DAB2IP: variants seen among roughly 807,000 people sequenced by gnomAD.
DAB2IP encodes the protein disabled homolog 2-interacting protein.
DAB2IP carries 28 observed loss-of-function variants against 107.2 expected under a neutral mutation model. That is an observed-to-expected ratio of 0.26 (90% CI 0.19 to 0.36). The LOEUF is 0.36. Among genes scored for constraint, DAB2IP ranks in the 10% least tolerant of loss-of-function variants. The pLI is 1.00. For synonymous variants in DAB2IP, 755 were observed against 706.4 expected, an observed-to-expected ratio of 1.07 and a Z score of -1.09; for missense variants, 1,400 against 1,644.7, an observed-to-expected ratio of 0.85 and a Z score of 2.57.
rs78951271 is a variant in DAB2IP at position 121,590,927 on chromosome 9, G to A, written c.40+23699G>A. 5.9e-4 allele frequency among the ~76,000 whole-genome samples: 90 copies of A among 152,234 alleles called. 2 individuals are homozygous for A. In the East Asian group the frequency reaches 0.013, roughly 22 times the overall value. ...TGAAGATGCCATCACCAACTGCAAC[G>A]GACACCATAAAGGAAAGTGACTTGA... On this transcript the variant is annotated intron_variant, in intron 1 of 16. Transcript: ENST00000259371.
At chr9:121,683,609 G>A (rs1346162945) in intron 2 of DAB2IP, among the ~76,000 whole-genome samples, 1 of 152,240 alleles carries the variant, frequency 6.6e-6, no homozygotes, top group Non-Finnish European at 1.5e-5. Context: ...GGGTCTGGCA[G>A]AAACTGCAGA....
chr9:121,581,086 G>C (rs956955138), intron 1 of DAB2IP, among the ~76,000 whole-genome samples: 1 of 152,184 alleles, frequency 6.6e-6, no homozygotes, highest in Non-Finnish European at 1.5e-5. Flanking sequence ...TTTCAGGCAG[G>C]GGAGGAACAG....
chr9:121,649,960 A>G (rs1832681268), upstream of DAB2IP, among the ~76,000 whole-genome samples: 1 of 152,190 alleles, frequency 6.6e-6, no homozygotes, highest in Non-Finnish European at 1.5e-5. Context: ...GCCCAACACA[A>G]ATTCATAAAC....
In DAB2IP at chr9:121,651,985, C is replaced by T; in HGVS notation, c.124+86C>T. ...CCCTGGGATGCTAGGGACCGGGATC[C>T]TCCTTCCAGCCATTTGCCGGGGGTT... is the stretch of plus-strand genomic sequence containing the variant. On this transcript the variant is annotated intron_variant, in intron 1 of 15. Coordinates refer to ENST00000408936, the Ensembl canonical transcript of DAB2IP. This position sits in a 1 kb window ranked among gnomAD's most constrained non-coding sequence, Gnocchi z 5.1. 1 of 1,150,064 alleles carries T rather than the reference C, an allele frequency of 8.7e-7. No individual in the cohort carries two copies. Among genetic ancestry groups the T allele is most frequent in the East Asian group, 3.3e-5 (1 of 30,378 alleles). 71.2% of individuals were successfully genotyped at this position (1,150,064 alleles called of 1,614,324 possible).
chr9:121,585,805 G>A (rs1830299493), intron 1 of DAB2IP, among the ~76,000 whole-genome samples: 1 of 151,816 alleles, frequency 6.6e-6, no homozygotes, highest in Non-Finnish European at 1.5e-5. Flanking sequence ...AGTGAGCTGA[G>A]ATCGTGCCAC....
In DAB2IP at chr9:121,757,094, C is replaced by T. The variant is rs138442421; in HGVS notation, c.444C>T (p.Asp148=). The T allele has an allele frequency of 2.6e-4, 415 of 1,614,188 alleles. 1 individual carries two copies. The highest frequency in any genetic ancestry group is 7.8e-4 in the South Asian group (71 of 91,076). Reference sequence around the variant, plus strand: ...CCAGCAGTGCGGTGGAGGCGCTGGACCTCAGCATGGAGGAAGAGGTGGTCA... The same window carrying T: ...CCAGCAGTGCGGTGGAGGCGCTGGATCTCAGCATGGAGGAAGAGGTGGTCA... Residue 148 remains aspartate (D), a synonymous_variant, in exon 4 of 16, where the codon GAC becomes GAT. Coordinates refer to ENST00000408936, the Ensembl canonical transcript of DAB2IP.
intron 14 of DAB2IP, 113 bp from the exon 15 acceptor site, chr9:121,781,351 G>A (rs930841376): frequency 2.0e-6 from 2 of 1,016,722 alleles, no homozygotes; most frequent in Admixed American, 1.9e-5. Flanking sequence ...GACCCAAGGA[G>A]GGGCTCTCCT....
chr9:121,776,621 C>T lies in DAB2IP; in HGVS notation c.3314+230C>T, dbSNP rs916845881. On this transcript the variant is annotated intron_variant, in intron 14 of 15. Coordinates refer to ENST00000408936, the Ensembl canonical transcript of DAB2IP. The surrounding 1 kb of genome is among the most constrained non-coding windows in gnomAD (Gnocchi z 5.4). ...ATACAAAGCTGGGGATGAGGCTGGA[C>T]CAATGACAGCTGGCTCCCGACGGGC... Among the ~76,000 whole-genome samples the T allele has an allele frequency of 6.6e-6, 1 of 152,156 alleles. No homozygotes were observed. Among genetic ancestry groups the T allele is most frequent in the Non-Finnish European group, 1.5e-5 (1 of 68,028 alleles).
At chr9:121,671,415 C>G (rs1193772749) in intron 1 of DAB2IP, among the ~76,000 whole-genome samples, 1 of 152,170 alleles carries the variant, frequency 6.6e-6, no homozygotes, top group Non-Finnish European at 1.5e-5. Flanking sequence ...TCTCAAAATC[C>G]TTAACCTCAA....
intron 3 of DAB2IP, among the ~76,000 whole-genome samples, chr9:121,718,920 C>T (rs1830765446): frequency 6.6e-6 from 1 of 152,220 alleles, no homozygotes; most frequent in African/African-American, 2.4e-5. Context: ...GACTTCAAGG[C>T]CTTCACTTTG....
intron 1 of DAB2IP, among the ~76,000 whole-genome samples, chr9:121,620,040 T>G (rs73546118): frequency 0.034 from 5,164 of 152,240 alleles, 273 homozygotes; most frequent in African/African-American, 0.11. Context: ...TTAGCAACAG[T>G]CAAAAATTGT....
At chr9:121,654,645 C>T (rs944534386) in intron 1 of DAB2IP, among the ~76,000 whole-genome samples, 2 of 152,154 alleles carry the variant, frequency 1.3e-5, no homozygotes, top group Non-Finnish European at 1.5e-5. Context: ...CACCTGAGGG[C>T]AGGGCCCCAC....
At chr9:121,681,594 C>T (rs1234488680) in intron 2 of DAB2IP, among the ~76,000 whole-genome samples, 1 of 152,182 alleles carries the variant, frequency 6.6e-6, no homozygotes, top group African/African-American at 2.4e-5. Context: ...TTAGTGTGCC[C>T]ATTTCACAGG....
intron 3 of DAB2IP, among the ~76,000 whole-genome samples, chr9:121,745,749 A>G (rs1037129225): frequency 3.4e-5 from 5 of 148,368 alleles, no homozygotes; most frequent in African/African-American, 1.2e-4. Context: ...GGAGAGGCCC[A>G]TCCGAGGTCC....
intron 3 of DAB2IP, among the ~76,000 whole-genome samples, chr9:121,714,069 C>A (rs1409701309): frequency 6.6e-6 from 1 of 152,166 alleles, no homozygotes; most frequent in East Asian, 1.9e-4. Flanking sequence ...GTAATTTGAT[C>A]ATATTCTGTC....
In DAB2IP at chr9:121,670,148, T is replaced by C. The variant is rs117845075; in HGVS notation, c.125-8530T>C. On this transcript the variant is annotated intron_variant, in intron 1 of 15. Transcript: ENST00000408936. ...CTCTATTGCTTTATCCCTTTGAGAA[T>C]GCCACGTACATGGAATCATACACTA... Among the ~76,000 whole-genome samples the C allele has an allele frequency of 7.9e-3, 1,199 of 152,380 alleles. 6 individuals are homozygous for C. Among genetic ancestry groups the C allele is most frequent in the Non-Finnish European group, 0.012 (830 of 68,036 alleles).
chr9:121,639,558 G>T (rs1832207528), intron 1 of DAB2IP, among the ~76,000 whole-genome samples: 1 of 152,112 alleles, frequency 6.6e-6, no homozygotes, highest in Admixed American at 6.5e-5. Context: ...CTGGGCCCCA[G>T]AATCCAGACC....
chr9:121,724,240 C>G (rs1380436788), intron 3 of DAB2IP, among the ~76,000 whole-genome samples: 2 of 152,114 alleles, frequency 1.3e-5, no homozygotes, highest in African/African-American at 4.8e-5. Context: ...TCCTGTGGAC[C>G]CTGAATGGGG....
At chr9:121,676,464 C>T (rs1833909325) in intron 1 of DAB2IP, among the ~76,000 whole-genome samples, 1 of 152,210 alleles carries the variant, frequency 6.6e-6, no homozygotes, top group Non-Finnish European at 1.5e-5. Flanking sequence ...CCGTCTCACT[C>T]CACACCCCTG....
Sources: gnomAD v4.1 joint callset for allele counts (sites outside exome capture counted in the v4.1 genomes callset) on GRCh38, gnomAD v4.1.1 for gene constraint, Gnocchi (gnomAD v3.1) non-coding constraint, MANE v1.5 for transcripts, NCBI Gene and HGNC (gene_info 2026-07-23, HGNC 2026-07-21) for gene names.